The following BRD9 variants were observed in gnomAD, a reference collection of about 807,000 sequenced individuals.
BRD9 encodes bromodomain-containing protein 9.
BRD9 carries 47 observed loss-of-function variants against 68.7 expected under a neutral mutation model. The ratio of observed to expected loss-of-function variants is 0.68; its 90% CI spans 0.54 to 0.87. The LOEUF (loss-of-function observed/expected upper bound fraction) is 0.87, where lower values mean the gene tolerates loss of function less well. BRD9 is among the 40% of genes least tolerant of loss of function. The pLI, the probability that BRD9 is intolerant of heterozygous loss-of-function variation, is 0.00. For synonymous variants in BRD9, 313 were observed against 293.9 expected, an observed-to-expected ratio of 1.06 and a Z score of -0.67; for missense variants, 670 against 748.4, an observed-to-expected ratio of 0.90 and a Z score of 1.22.
rs562798132 is a variant in BRD9 at position 876,922 on chromosome 5, G to A, written c.1272-710C>T. Among the ~76,000 whole-genome samples the A allele has an allele frequency of 1.4e-4, 22 of 152,334 alleles. 1 individual carries two copies. The highest frequency in any genetic ancestry group is 5.3e-4 in the African/African-American group (22 of 41,570). On this transcript the variant is annotated intron_variant, in intron 11 of 15. Coordinates refer to ENST00000467963, the MANE Select transcript of BRD9 (RefSeq NM_023924.5). Reference sequence around the variant, plus strand: ...CAAGCTCGGCACTCGCAGCGTGCACGGAAGCAGCACTCAGGGGCAGAGGAT... The same window carrying A: ...CAAGCTCGGCACTCGCAGCGTGCACAGAAGCAGCACTCAGGGGCAGAGGAT...
At chr5:873,500 G>C (rs189045892) in intron 12 of BRD9, among the ~76,000 whole-genome samples, 57 of 152,306 alleles carry the variant, frequency 3.7e-4, no homozygotes, top group African/African-American at 1.2e-3. Flanking sequence ...CCTGCTTGCA[G>C]ATACCGCCCT....
chr5:890,921 A>C (rs1753264941), intron 3 of BRD9, among the ~76,000 whole-genome samples: 1 of 152,226 alleles, frequency 6.6e-6, no homozygotes, highest in South Asian at 2.1e-4. Context: ...TCCTTAGCTA[A>C]CAAGTTAAAA....
chr5:874,394 G>A (rs762967482), intron 12 of BRD9, among the ~76,000 whole-genome samples: 16 of 152,134 alleles, frequency 1.1e-4, no homozygotes, highest in Non-Finnish European at 1.6e-4. Context: ...ATATTTTTAC[G>A]TTTTTTGCAT....
chr5:875,169 G>A (rs528649775), intron 12 of BRD9, among the ~76,000 whole-genome samples: 8 of 152,300 alleles, frequency 5.3e-5, no homozygotes, highest in African/African-American at 1.9e-4. Context: ...AGCAGCCGAG[G>A]CTCTGTGAGC....
In BRD9 at chr5:878,454, G is replaced by A. The variant is rs141776263; in HGVS notation, c.1172C>T (p.Ser391Leu). Residue 391 changes from serine (S) to leucine (L), a missense_variant, in exon 11 of 16, where the codon TCG becomes TTG. By Grantham distance (145) the Ser-to-Leu change is moderately radical. This residue lies in a region of BRD9 where 280 missense variants were observed against 281.5 expected (regional missense o/e 0.99). Coordinates refer to ENST00000467963, the MANE Select transcript of BRD9 (RefSeq NM_023924.5). ...GCCAAATACTGAATTATTCTGCATCGAAAGCGCAGTAGTGGCACTGGAGAG... is the reference window on the plus strand; with the variant it reads ...GCCAAATACTGAATTATTCTGCATCAAAAGCGCAGTAGTGGCACTGGAGAG... Reference protein sequence around the residue: ...TFLSSATTALSMQNNSVFGDL... With the variant: ...TFLSSATTALLMQNNSVFGDL... 1.7e-5 allele frequency: 27 copies of A among 1,614,266 alleles called. No homozygotes were observed. Among genetic ancestry groups the A allele is most frequent in the Admixed American group, 5.0e-5 (3 of 60,036 alleles).
chr5:891,101 A>G, intron 3 of BRD9, 54 bp downstream of exon 3: 1 of 1,493,764 alleles, frequency 6.7e-7, no homozygotes, highest in South Asian at 1.3e-5. Context: ...CCGACCCCTC[A>G]TTTACAACGA....
At chr5:874,252 T>C (rs774196761) in intron 12 of BRD9, among the ~76,000 whole-genome samples, 29 of 152,248 alleles carry the variant, frequency 1.9e-4, no homozygotes, top group Non-Finnish European at 3.5e-4. Context: ...CATGCCACCA[T>C]ACCCAGCTCT....
chr5:871,819 GGAGCGGACAGA>G (rs1192836160), intron 12 of BRD9, among the ~76,000 whole-genome samples: 3 of 152,368 alleles, frequency 2.0e-5, no homozygotes, highest in South Asian at 2.1e-4. Flanking sequence ...AGGGCGAGAT[GGAGCGGACAGA>G]GAGAGGACGC....
chr5:877,929 C>T lies in BRD9; in HGVS notation c.1271+426G>A, dbSNP rs536813027. On this transcript the variant is annotated intron_variant, in intron 11 of 15. Transcript: ENST00000467963. Reference sequence around the variant, plus strand: ...GCCCCGGGAAGGCACAGGGAAAAGACGGAAAGACGGCACCTGCAGGCCCAG... The same window carrying T: ...GCCCCGGGAAGGCACAGGGAAAAGATGGAAAGACGGCACCTGCAGGCCCAG... 8.5e-5 allele frequency among the ~76,000 whole-genome samples: 13 copies of T among 152,246 alleles called. No homozygotes were observed. In the South Asian group the frequency reaches 1.7e-3, roughly 19 times the overall value.
At chr5:891,110 G>A in intron 3 of BRD9, 45 bp downstream of exon 3, 6 of 1,504,398 alleles carry the variant, frequency 4.0e-6, no homozygotes, top group Non-Finnish European at 4.5e-6. Flanking sequence ...CATTTACAAC[G>A]ATGAGCTGTG....
At chr5:868,855 T>C (rs1160178518) in intron 14 of BRD9, 1 of 156,052 alleles carries the variant, frequency 6.4e-6, no homozygotes, top group Non-Finnish European at 1.4e-5. Flanking sequence ...CAGAGACAGG[T>C]GGAACGTCAC....
chr5:891,008 G>A lies in BRD9; in HGVS notation c.400+147C>T. 3.9e-6 allele frequency: 4 copies of A among 1,035,056 alleles called. No homozygotes were observed. In the South Asian group the frequency reaches 6.5e-5, roughly 17 times the overall value. 64.1% of individuals were successfully genotyped at this position (1,035,056 alleles called of 1,614,324 possible). On this transcript the variant is annotated intron_variant, in intron 3 of 15. Coordinates refer to ENST00000467963, the MANE Select transcript of BRD9 (RefSeq NM_023924.5). Reference sequence around the variant, plus strand: ...TCAGAGACACCGGAGGAAACCTCAGGCCAGAGGACACCTGGGATGAGGCCC... The same window carrying A: ...TCAGAGACACCGGAGGAAACCTCAGACCAGAGGACACCTGGGATGAGGCCC...
chr5:868,011 T>C (rs1749604368), intron 14 of BRD9, among the ~76,000 whole-genome samples: 1 of 152,200 alleles, frequency 6.6e-6, no homozygotes, highest in South Asian at 2.1e-4. Context: ...TAATTCCCAA[T>C]GTTAGGGGAG....
At chr5:871,773 C>A (rs1343772456) in intron 12 of BRD9, among the ~76,000 whole-genome samples, 1 of 152,252 alleles carries the variant, frequency 6.6e-6, no homozygotes, top group Non-Finnish European at 1.5e-5. Context: ...GCCCCCTCCT[C>A]AGCGCCAGGA....
intron 8 of BRD9, chr5:882,533 CA>C: frequency 1.2e-5 from 2 of 161,198 alleles, no homozygotes; most frequent in East Asian, 1.9e-4. Flanking sequence ...ACGCAAGCCA[CA>C]AAAACCACAA....
At chr5:886,951 C>T (rs1299874075) in intron 6 of BRD9, 2 of 598,090 alleles carry the variant, frequency 3.3e-6, no homozygotes, top group East Asian at 3.0e-5. Flanking sequence ...AGGTGCCGCA[C>T]CTCCCCTTTA....
chr5:891,393 A>C (rs1753372585), intron 2 of BRD9, 106 bp from the exon 3 acceptor site: 18 of 1,446,076 alleles, frequency 1.2e-5, no homozygotes, highest in Non-Finnish European at 1.6e-5. Context: ...ACTAAGGGAA[A>C]CCCCCTCCGA....
At chr5:876,405 T>A (rs986510663) in intron 11 of BRD9, among the ~76,000 whole-genome samples, 193 bp from the exon 12 acceptor site, 2 of 152,092 alleles carry the variant, frequency 1.3e-5, no homozygotes, top group African/African-American at 4.8e-5. Flanking sequence ...CCAAAAAGGT[T>A]AAAAAGATCT....
chr5:872,336 C>T (rs757255324), intron 12 of BRD9, among the ~76,000 whole-genome samples: 34 of 152,192 alleles, frequency 2.2e-4, no homozygotes, highest in Non-Finnish European at 2.9e-4. Context: ...CACTTTAGTC[C>T]TGAGCATCAT....
Sources: allele counts gnomAD v4.1 joint callset (sites outside exome capture counted in the v4.1 genomes callset), GRCh38; gene constraint gnomAD v4.1.1; regional missense constraint gnomAD v4.1.1; transcripts MANE v1.5; gene names NCBI Gene and HGNC (gene_info 2026-07-23, HGNC 2026-07-21).